The following CNTN6 variants were observed in gnomAD, a reference collection of about 807,000 sequenced individuals.
The protein encoded by CNTN6 is contactin 6, also known as contactin-6.
In CNTN6, 137 loss-of-function variants were observed where a neutral mutation model predicts 122.8. The ratio of observed to expected loss-of-function variants is 1.12; its 90% CI spans 0.97 to 1.29. CNTN6 has a LOEUF of 1.29. Ranked by LOEUF, CNTN6 falls within the 50% of genes most tolerant of loss-of-function variation. The pLI, the probability that CNTN6 is intolerant of heterozygous loss-of-function variation, is 0.00. For missense variants in CNTN6, 1,634 were observed against 1,223.4 expected (o/e 1.34, Z -5.01); for synonymous variants, 570 against 426.0 (o/e 1.34, Z -4.16).
At chr3:1,268,702 C>G (rs1356672195) in intron 4 of CNTN6, among the ~76,000 whole-genome samples, 1 of 151,224 alleles carries the variant, frequency 6.6e-6, no homozygotes, top group African/African-American at 2.4e-5. Flanking sequence ...TTTTTCCATT[C>G]ATTCATGAGC....
intron 2 of CNTN6, among the ~76,000 whole-genome samples, chr3:1,157,646 G>A (rs7627840): frequency 0.2 from 28,959 of 148,028 alleles, 3,547 homozygotes; most frequent in African/African-American, 0.34. Flanking sequence ...TCCCCCTCCC[G>A]CCGTCCCAGT....
intron 1 of CNTN6, among the ~76,000 whole-genome samples, chr3:1,145,469 T>C (rs1370116652): frequency 1.6e-5 from 2 of 125,840 alleles, no homozygotes; most frequent in Non-Finnish European, 3.3e-5. Context: ...AGACCTTTTA[T>C]CACAAGAAGG....
intron 1 of CNTN6, among the ~76,000 whole-genome samples, chr3:1,098,163 C>A (rs920536986): frequency 1.3e-5 from 2 of 151,752 alleles, no homozygotes; most frequent in East Asian, 1.9e-4. Flanking sequence ...TGCAGTGCAC[C>A]AGCATGTCAC....
At chr3:1,237,185 G>C (rs1311939868) in intron 4 of CNTN6, among the ~76,000 whole-genome samples, 1 of 151,934 alleles carries the variant, frequency 6.6e-6, no homozygotes. Flanking sequence ...GAAATAGATA[G>C]TATAAATAAA....
At chr3:1,197,808 C>A (rs1229577264) in intron 2 of CNTN6, among the ~76,000 whole-genome samples, 3 of 152,118 alleles carry the variant, frequency 2.0e-5, no homozygotes, top group African/African-American at 7.2e-5. Flanking sequence ...TATGTTATTT[C>A]ATTAAATAAG....
intron 2 of CNTN6, among the ~76,000 whole-genome samples, chr3:1,198,973 G>A (rs1559497518): frequency 1.3e-5 from 2 of 152,162 alleles, no homozygotes; most frequent in East Asian, 3.9e-4. Context: ...CAGAGAAGAT[G>A]GTGACGTGAA....
At chr3:1,267,108 G>T (rs547808704) in intron 4 of CNTN6, among the ~76,000 whole-genome samples, 4 of 151,800 alleles carry the variant, frequency 2.6e-5, no homozygotes, top group Non-Finnish European at 5.9e-5. Context: ...GAACTTTCTT[G>T]TTACCTACCA....
At chr3:1,238,034 C>A (rs2094442066) in intron 4 of CNTN6, among the ~76,000 whole-genome samples, 2 of 150,206 alleles carry the variant, frequency 1.3e-5, no homozygotes, top group African/African-American at 4.9e-5. Flanking sequence ...AAAAAAAAAC[C>A]ACAAGGTATT....
intron 11 of CNTN6, among the ~76,000 whole-genome samples, chr3:1,350,892 T>A (rs967533254): frequency 1.3e-5 from 2 of 151,878 alleles, no homozygotes; most frequent in Non-Finnish European, 2.9e-5. Context: ...AGAATTATAT[T>A]TGGCCTGAGT....
chr3:1,281,315 A>G (rs540247464), intron 5 of CNTN6, among the ~76,000 whole-genome samples: 44 of 152,250 alleles, frequency 2.9e-4, no homozygotes, highest in African/African-American at 1.0e-3. Context: ...AAATATATTC[A>G]TGGGGGCAGA....
intron 7 of CNTN6, among the ~76,000 whole-genome samples, chr3:1,305,288 A>G (rs1170227828): frequency 6.6e-6 from 1 of 152,192 alleles, no homozygotes; most frequent in African/African-American, 2.4e-5. Flanking sequence ...TTAAACCACT[A>G]TAAGCTAGTG....
At chr3:1,247,679 C>A (rs142267588) in intron 4 of CNTN6, among the ~76,000 whole-genome samples, 1 of 152,238 alleles carries the variant, frequency 6.6e-6, no homozygotes, top group Non-Finnish European at 1.5e-5. Flanking sequence ...ATAAAAAGCC[C>A]GAGGGAAGCT....
At chr3:1,360,602 A>ATT (rs111539311) in intron 12 of CNTN6, among the ~76,000 whole-genome samples, 2 of 151,246 alleles carry the variant, frequency 1.3e-5, no homozygotes, top group African/African-American at 4.9e-5. Context: ...GTATACACGT[A>ATT]TTTTTTTTCT....
At chr3:1,339,611 G>A (rs1703596129) in intron 11 of CNTN6, among the ~76,000 whole-genome samples, 1 of 152,208 alleles carries the variant, frequency 6.6e-6, no homozygotes, top group South Asian at 2.1e-4. Context: ...TGAAGAGTGA[G>A]TGGGAATTTT....
chr3:1,400,612 C>T (rs1560047835), intron 20 of CNTN6, among the ~76,000 whole-genome samples: 1 of 152,104 alleles, frequency 6.6e-6, no homozygotes, highest in African/African-American at 2.4e-5. Flanking sequence ...TTATTTTAAA[C>T]GGCATGCATC....
At chr3:1,210,197 T>G (rs2125469000) in intron 2 of CNTN6, among the ~76,000 whole-genome samples, 1 of 152,326 alleles carries the variant, frequency 6.6e-6, no homozygotes, top group East Asian at 1.9e-4. Flanking sequence ...GGTCTGCCTC[T>G]AGTTCTTAAG....
chr3:1,400,489 A>C (rs1695550021), intron 20 of CNTN6, among the ~76,000 whole-genome samples: 1 of 92,982 alleles, frequency 1.1e-5, no homozygotes, highest in Admixed American at 1.1e-4. Context: ...CACGCAGACA[A>C]CATTAATTTC....
rs771133835 is a variant in CNTN6 at position 1,154,448 on chromosome 3, C to CTT, written c.55+6396_55+6397dup. 1.1e-3 allele frequency among the ~76,000 whole-genome samples: 156 copies of CTT among 140,496 alleles called. 3 individuals are homozygous for CTT. The highest frequency in any genetic ancestry group is 3.8e-3 in the African/African-American group (137 of 36,328). 92.2% of individuals were successfully genotyped at this position (140,496 alleles called of 152,430 possible). On this transcript the variant is annotated intron_variant, in intron 2 of 22. Coordinates refer to ENST00000446702, the MANE Select transcript of CNTN6 (RefSeq NM_001289080.2). ...ATAATATTTTTCTTTTCTTTTCTTT[C>CTT]TTTTTTTTTTTTGAGGTGGAGTTTT...
Position 1,383,264 on chromosome 3 carries a change from AGATGGTTATGTCTTTCTCTG to A in CNTN6, c.2402-22_2402-3del, listed in dbSNP as rs1692219919. On this transcript the variant is annotated splice_polypyrimidine_tract_variant and intron_variant, in intron 18 of 22. Transcript: ENST00000446702. ...CATTTTCAATGAACCACTCTGCTAA[AGATGGTTATGTCTTTCTCTG>A]GATGGTAGAACCTCAACTGGCCCCA... 2 of 1,600,564 alleles carry A rather than the reference AGATGGTTATGTCTTTCTCTG, an allele frequency of 1.2e-6. No individual in the cohort carries two copies. Among genetic ancestry groups the A allele is most frequent in the Non-Finnish European group, 1.7e-6 (2 of 1,167,872 alleles).
Sources: allele counts gnomAD v4.1 joint callset (sites outside exome capture counted in the v4.1 genomes callset), GRCh38; gene constraint gnomAD v4.1.1; transcripts MANE v1.5; gene names NCBI Gene and HGNC (gene_info 2026-07-23, HGNC 2026-07-21).